UNC5C: variants seen among roughly 807,000 people sequenced by gnomAD.
The protein encoded by UNC5C is unc-5 netrin receptor C, also known as netrin receptor UNC5C.
A neutral mutation model predicts 99.8 loss-of-function variants in UNC5C; 47 were observed. The ratio of observed to expected loss-of-function variants is 0.47; its 90% CI spans 0.37 to 0.60. The LOEUF (loss-of-function observed/expected upper bound fraction) is 0.60. Among genes scored for constraint, UNC5C ranks in the 20% least tolerant of loss-of-function variants. The pLI is 0.00. For synonymous variants in UNC5C, 487 were observed against 452.2 expected, an observed-to-expected ratio of 1.08 and a Z score of -0.98; for missense variants, 1,062 against 1,165.9, an observed-to-expected ratio of 0.91 and a Z score of 1.30.
At chr4:95,204,355 C>T (rs1737797543) in intron 11 of UNC5C, among the ~76,000 whole-genome samples, 1 of 152,206 alleles carries the variant, frequency 6.6e-6, no homozygotes, top group Non-Finnish European at 1.5e-5. Context: ...ATTCCGAATG[C>T]ATCCTGGGGC....
At chr4:95,533,349 T>C (rs1361070006) in intron 1 of UNC5C, among the ~76,000 whole-genome samples, 1 of 151,822 alleles carries the variant, frequency 6.6e-6, no homozygotes, top group Non-Finnish European at 1.5e-5. Context: ...TGAGCCGAGA[T>C]TGCACCACTG....
rs538060744 is a variant in UNC5C, at chr4:95,466,485, C to T, written c.124+82249G>A. ...ATTAAAGGAATAAATACCCTCAATT[C>T]CATTTTCCCCTGTTTAACATTATTA... On this transcript the variant is annotated intron_variant, in intron 1 of 15. Coordinates refer to ENST00000453304, the MANE Select transcript of UNC5C (RefSeq NM_003728.4). Among the ~76,000 whole-genome samples the T allele has an allele frequency of 5.9e-5, 9 of 152,214 alleles. No homozygotes were observed. In the South Asian group the frequency reaches 1.9e-3, roughly 32 times the overall value.
chr4:95,270,799 C>T (rs112645974), intron 4 of UNC5C, among the ~76,000 whole-genome samples: 1 of 152,114 alleles, frequency 6.6e-6, no homozygotes, highest in Non-Finnish European at 1.5e-5. Flanking sequence ...TTGAAGTGTC[C>T]GTAAAAGGCT....
At chr4:95,493,942 G>A (rs1003016706) in intron 1 of UNC5C, among the ~76,000 whole-genome samples, 3 of 151,076 alleles carry the variant, frequency 2.0e-5, no homozygotes, top group Admixed American at 6.6e-5. Context: ...CCATTTTTTC[G>A]CTTTTAAAAA....
Position 95,365,430 on chromosome 4 carries a change from A to T in UNC5C, c.125-29799T>A, listed in dbSNP as rs1230646802. Among the ~76,000 whole-genome samples the T allele has an allele frequency of 2.2e-5, 3 of 138,532 alleles. 1 individual carries two copies. Among genetic ancestry groups the T allele is most frequent in the African/African-American group, 7.9e-5 (3 of 37,968 alleles). The allele number at this position is 138,532 out of a possible 152,430, so 90.9% of individuals were successfully genotyped here. A position where few individuals can be genotyped will look rare whatever the true frequency, so the allele number is the denominator to read the frequency against. ...ATTTTATTTTCTATATTTTTCATAT[A>T]AATAATGTAAAAATATAACAATATA... On this transcript the variant is annotated intron_variant, in intron 1 of 15. Transcript: ENST00000453304.
chr4:95,528,902 T>G (rs1337495400), intron 1 of UNC5C, among the ~76,000 whole-genome samples: 1 of 152,166 alleles, frequency 6.6e-6, no homozygotes, highest in Non-Finnish European at 1.5e-5. Flanking sequence ...AAAGAACAGT[T>G]CTTATTAAAG....
chr4:95,400,213 A>G (rs1363166417), intron 1 of UNC5C, among the ~76,000 whole-genome samples: 1 of 151,984 alleles, frequency 6.6e-6, no homozygotes, highest in Non-Finnish European at 1.5e-5. Flanking sequence ...AGGTGACATA[A>G]TGTCTTTCCC....
intron 1 of UNC5C, among the ~76,000 whole-genome samples, chr4:95,386,325 G>A (rs1385907997): frequency 3.3e-5 from 5 of 151,898 alleles, no homozygotes; most frequent in Admixed American, 1.3e-4. Flanking sequence ...CCACTAACTC[G>A]TCATCTAGCA....
intron 1 of UNC5C, among the ~76,000 whole-genome samples, chr4:95,410,309 C>T (rs1304465548): frequency 6.6e-6 from 1 of 152,084 alleles, no homozygotes; most frequent in Non-Finnish European, 1.5e-5. Flanking sequence ...ATGCATGATA[C>T]CTCCTACTAG....
At chr4:95,546,056 T>C (rs1448458527) in intron 1 of UNC5C, among the ~76,000 whole-genome samples, 2 of 152,244 alleles carry the variant, frequency 1.3e-5, no homozygotes, top group African/African-American at 2.4e-5. Context: ...CTTGATTATC[T>C]CTGAAGATAT....
At chr4:95,175,525 A>G (rs1414587580) in intron 14 of UNC5C, among the ~76,000 whole-genome samples, 2 of 151,984 alleles carry the variant, frequency 1.3e-5, no homozygotes, top group Admixed American at 6.6e-5. Context: ...CTGGATATGA[A>G]ATTCTGGGTT....
At chr4:95,400,903 G>A (rs1745673736) in intron 1 of UNC5C, among the ~76,000 whole-genome samples, 1 of 152,204 alleles carries the variant, frequency 6.6e-6, no homozygotes. Flanking sequence ...TGCTAATTTT[G>A]TGGTAAATAT....
At chr4:95,492,803 A>C (rs528278524) in intron 1 of UNC5C, among the ~76,000 whole-genome samples, 1 of 151,608 alleles carries the variant, frequency 6.6e-6, no homozygotes, top group South Asian at 2.1e-4. Context: ...CTAAACAGAA[A>C]AAACTTTTGA....
intron 1 of UNC5C, among the ~76,000 whole-genome samples, chr4:95,434,686 T>A (rs2149461388): frequency 6.6e-6 from 1 of 152,218 alleles, no homozygotes; most frequent in Middle Eastern, 3.4e-3. Context: ...TCGCTTGGTT[T>A]CTGGCAAGTA....
chr4:95,287,775 G>T (rs1303068645), intron 3 of UNC5C, among the ~76,000 whole-genome samples: 1 of 152,176 alleles, frequency 6.6e-6, no homozygotes, highest in African/African-American at 2.4e-5. Context: ...CACAGTTATG[G>T]CCATGTTTTT....
At chr4:95,202,616 C>G in intron 12 of UNC5C, 115 bp downstream of exon 12, 1 of 992,184 alleles carries the variant, frequency 1.0e-6, no homozygotes. Context: ...GGGCCAAACA[C>G]GTGTCCACAC....
chr4:95,519,471 A>C (rs1402658700), intron 1 of UNC5C, among the ~76,000 whole-genome samples: 1 of 152,114 alleles, frequency 6.6e-6, no homozygotes. Context: ...AACGGCCCAA[A>C]ACACTGCATT....
intron 2 of UNC5C, among the ~76,000 whole-genome samples, chr4:95,329,697 T>C (rs1325201112): frequency 6.6e-6 from 1 of 152,250 alleles, no homozygotes; most frequent in Admixed American, 6.5e-5. Flanking sequence ...TATTTATGTA[T>C]TTATAAAATT....
chr4:95,479,159 T>C (rs1472986313), intron 1 of UNC5C, among the ~76,000 whole-genome samples: 1 of 152,052 alleles, frequency 6.6e-6, no homozygotes, highest in African/African-American at 2.4e-5. Context: ...CCTTTAGAAA[T>C]TGCATGCCTA....
Sources: allele counts gnomAD v4.1 joint callset (sites outside exome capture counted in the v4.1 genomes callset), GRCh38; gene constraint gnomAD v4.1.1; transcripts MANE v1.5; gene names NCBI Gene and HGNC (gene_info 2026-07-23, HGNC 2026-07-21).